CDH4: variants seen among roughly 807,000 people sequenced by gnomAD.
The protein encoded by CDH4 is cadherin 4.
A neutral mutation model predicts 86.0 loss-of-function variants in CDH4; 33 were observed. The observed-to-expected ratio is 0.38, with a 90% CI of 0.29 to 0.51. CDH4 has a LOEUF of 0.51. CDH4 is among the 20% of genes least tolerant of loss of function. The pLI is 0.86. For missense variants in CDH4, 1,114 were observed against 1,307.4 expected, an observed-to-expected ratio of 0.85 and a Z score of 2.28; for synonymous variants, 555 against 549.4, an observed-to-expected ratio of 1.01 and a Z score of -0.14.
intron 2 of CDH4, among the ~76,000 whole-genome samples, chr20:61,503,533 G>A (rs1376456043): frequency 4.6e-5 from 7 of 152,172 alleles, no homozygotes; most frequent in Admixed American, 3.3e-4. Context: ...GGATGTTGGC[G>A]TCGGGTCATC....
At chr20:61,636,100 C>T (rs2086943981) in intron 2 of CDH4, among the ~76,000 whole-genome samples, 1 of 152,256 alleles carries the variant, frequency 6.6e-6, no homozygotes, top group African/African-American at 2.4e-5. Context: ...GTGGGTCATT[C>T]TTCCGAGTTT....
intron 2 of CDH4, among the ~76,000 whole-genome samples, chr20:61,677,641 A>G (rs958679561): frequency 1.3e-5 from 1 of 74,502 alleles, no homozygotes; most frequent in African/African-American, 5.4e-5. Flanking sequence ...TGACAAAAGG[A>G]TAAGTGGGTA....
At chr20:61,281,576 G>A (rs2084259178) in intron 2 of CDH4, among the ~76,000 whole-genome samples, 1 of 152,228 alleles carries the variant, frequency 6.6e-6, no homozygotes, top group Non-Finnish European at 1.5e-5. Context: ...GCTCCTGGTG[G>A]TCTGAGGTCC....
chr20:61,363,325 TG>T (rs2084794366), intron 2 of CDH4, among the ~76,000 whole-genome samples: 3 of 152,112 alleles, frequency 2.0e-5, no homozygotes, highest in Admixed American at 6.5e-5. Flanking sequence ...GTGCAGGGTT[TG>T]GGGGATATAA....
At position 61,701,404 on chromosome 20, in the gene CDH4, C is replaced by T. The variant is rs112950266; in HGVS notation, c.170-42159C>T. On this transcript the variant is annotated intron_variant, in intron 2 of 15. Transcript: ENST00000614565. ...TCAGGGTCGTGGCTGTGAGATTCCCCACGGGTGAGTGAGTTCCATGCATCC... is the reference window on the plus strand; with the variant it reads ...TCAGGGTCGTGGCTGTGAGATTCCCTACGGGTGAGTGAGTTCCATGCATCC... Among the ~76,000 whole-genome samples, 87 of 152,314 alleles carry T rather than the reference C, an allele frequency of 5.7e-4. 2 individuals are homozygous for T. Among genetic ancestry groups the T allele is most frequent in the African/African-American group, 2.0e-3 (83 of 41,576 alleles).
rs537818267 is a variant in CDH4 at position 61,607,870 on chromosome 20, G to T, written c.170-135693G>T. 2.6e-5 allele frequency among the ~76,000 whole-genome samples: 4 copies of T among 152,344 alleles called. No homozygotes were observed. In the East Asian group the frequency reaches 7.7e-4, roughly 29 times the overall value. On this transcript the variant is annotated intron_variant, in intron 2 of 15. Coordinates refer to ENST00000614565, the MANE Select transcript of CDH4 (RefSeq NM_001794.5). ...GTTTGATGCTTTTGTTGTATGGACA[G>T]TTTGGAACCTGAGCCTGCCAGGCTT...
chr20:61,462,281 G>A (rs1173505250), intron 2 of CDH4, among the ~76,000 whole-genome samples: 1 of 152,192 alleles, frequency 6.6e-6, no homozygotes, highest in Non-Finnish European at 1.5e-5. Flanking sequence ...GATATCTTAA[G>A]ATTTCAGTGG....
chr20:61,858,369 C>CTGTGTCTG (rs1194879428), intron 6 of CDH4, among the ~76,000 whole-genome samples: 1 of 146,338 alleles, frequency 6.8e-6, no homozygotes, highest in Non-Finnish European at 1.5e-5. Flanking sequence ...GTGCGTGTCT[C>CTGTGTCTG]TGTGTCTGTA....
In CDH4 at chr20:61,844,672, G is replaced by T; in HGVS notation, c.581G>T (p.Arg194Leu). ...CGCTTTGCTCCTGCCTTTCAGATCC[G>T]GTCCGACAAAGACAATGACATCCCC... ...GPFPQQLVRI[R>L]SDKDNDIPIR... Residue 194 changes from arginine (R) to leucine (L), a missense_variant, in exon 5 of 16, where the codon CGG becomes CTG. Transcript: ENST00000614565. The T allele has an allele frequency of 2.5e-6, 4 of 1,610,022 alleles. No homozygotes were observed. The highest frequency in any genetic ancestry group is 3.4e-6 in the Non-Finnish European group (4 of 1,176,984).
intron 2 of CDH4, among the ~76,000 whole-genome samples, chr20:61,374,384 G>A (rs1480011074): frequency 2.0e-5 from 3 of 152,136 alleles, no homozygotes; most frequent in Non-Finnish European, 4.4e-5. Context: ...GACATGTCGT[G>A]GCATCCCCTG....
At chr20:61,920,136 A>G (rs1378217240) in intron 9 of CDH4, among the ~76,000 whole-genome samples, 1 of 119,684 alleles carries the variant, frequency 8.4e-6, no homozygotes, top group Non-Finnish European at 1.8e-5. Flanking sequence ...ATTGCGTGGA[A>G]GCGTGGTTTT....
At chr20:61,809,895 G>A (rs1201547153) in intron 4 of CDH4, among the ~76,000 whole-genome samples, 1 of 152,140 alleles carries the variant, frequency 6.6e-6, no homozygotes, top group African/African-American at 2.4e-5. Context: ...CACAGACCGT[G>A]GTGAAGAGCG....
At chr20:61,476,988 G>C (rs2085540285) in intron 2 of CDH4, among the ~76,000 whole-genome samples, 1 of 152,224 alleles carries the variant, frequency 6.6e-6, no homozygotes, top group Non-Finnish European at 1.5e-5. Flanking sequence ...AGAGAGGCCA[G>C]CCAGAGGTGA....
At chr20:61,454,340 G>C (rs2085395923) in intron 2 of CDH4, among the ~76,000 whole-genome samples, 2 of 152,202 alleles carry the variant, frequency 1.3e-5, no homozygotes, top group Admixed American at 6.5e-5. Context: ...CATGCACCTG[G>C]GGGGAAGGTT....
chr20:61,483,841 T>A (rs2085581349), intron 2 of CDH4, among the ~76,000 whole-genome samples: 1 of 152,072 alleles, frequency 6.6e-6, no homozygotes, highest in African/African-American at 2.4e-5. Flanking sequence ...ACCCACAGAT[T>A]TATGAATTTT....
chr20:61,715,908 T>A (rs934949518), intron 2 of CDH4, among the ~76,000 whole-genome samples: 10 of 152,208 alleles, frequency 6.6e-5, no homozygotes, highest in Non-Finnish European at 8.8e-5. Flanking sequence ...CCCCTGCGAT[T>A]GGGTGGCCCC....
At chr20:61,470,043 G>A (rs1353182326) in intron 2 of CDH4, among the ~76,000 whole-genome samples, 1 of 151,988 alleles carries the variant, frequency 6.6e-6, no homozygotes, top group Non-Finnish European at 1.5e-5. Context: ...GGCTATTCTG[G>A]GTCTTTTGTG....
At chr20:61,844,472 G>A (rs1003776476) in intron 4 of CDH4, among the ~76,000 whole-genome samples, 196 bp from the exon 5 acceptor site, 15 of 152,024 alleles carry the variant, frequency 9.9e-5, no homozygotes, top group East Asian at 3.9e-4. Flanking sequence ...ACCTGCAGTC[G>A]GCGGCTCTCA....
intron 2 of CDH4, among the ~76,000 whole-genome samples, chr20:61,339,101 T>C (rs1328905241): frequency 6.6e-6 from 1 of 152,216 alleles, no homozygotes; most frequent in Non-Finnish European, 1.5e-5. Context: ...ATCTCTAACA[T>C]ATTAGTATGT....
Sources: gnomAD v4.1 joint callset for allele counts (sites outside exome capture counted in the v4.1 genomes callset) on GRCh38, gnomAD v4.1.1 for gene constraint, MANE v1.5 for transcripts, NCBI Gene and HGNC (gene_info 2026-07-23, HGNC 2026-07-21) for gene names.